Variants in SNX2 observed in about 807,000 individuals in gnomAD.
SNX2 encodes the protein sorting nexin 2, also known as sorting nexin-2.
Under a neutral mutation model 69.9 loss-of-function variants are expected in SNX2, and 25 were observed. That is an observed-to-expected ratio of 0.36 (90% confidence interval 0.26 to 0.50). The LOEUF (loss-of-function observed/expected upper bound fraction) is 0.50, where lower values mean the gene tolerates loss of function less well. Ranked by LOEUF, SNX2 falls within the 20% of genes least tolerant of loss-of-function variation. The pLI, the probability that SNX2 is intolerant of heterozygous loss-of-function variation, is 0.97. For missense variants in SNX2, 551 were observed against 613.3 expected (o/e 0.90, Z 1.07); for synonymous variants, 229 against 200.4 (o/e 1.14, Z -1.20).
chr5:122,829,635 A>G lies in SNX2; in HGVS notation c.1547A>G (p.Lys516Arg), dbSNP rs1252492130. 5.6e-6 allele frequency: 9 copies of G among 1,613,388 alleles called. No individual in the cohort carries two copies. Among genetic ancestry groups the G allele is most frequent in the Non-Finnish European group, 7.6e-6 (9 of 1,179,438 alleles). The stretch of plus-strand genomic sequence containing the variant: ...TGGGAAGCATTCCTACCTGAAGCCA[A>G]AGCCATTGCCTAGCAATAAGATTGT... Reference protein sequence around the residue: ...KYWEAFLPEAKAIA With the variant: ...KYWEAFLPEARAIA The change falls in exon 15 of 15, where the codon AAA becomes AGA. Residue 516 changes from lysine to arginine, a missense_variant. This residue lies in a region of SNX2 where 360 missense variants were observed against 450.4 expected (regional missense o/e 0.80). Coordinates refer to ENST00000379516, the MANE Select transcript of SNX2 (RefSeq NM_003100.4).
chr5:122,829,095 C>T (rs1475628599), intron 14 of SNX2, among the ~76,000 whole-genome samples: 1 of 152,030 alleles, frequency 6.6e-6, no homozygotes, highest in East Asian at 1.9e-4. Context: ...CCGGTCTGGG[C>T]AATAAGAGTG....
chr5:122,817,475 G>A (rs1359608944), intron 10 of SNX2, 102 bp downstream of exon 10: 1 of 741,704 alleles, frequency 1.3e-6, no homozygotes. Flanking sequence ...TTGCAGAAGA[G>A]AGAAAACAAT....
At chr5:122,780,559 T>TTCTTC (rs1156483222) in intron 1 of SNX2, among the ~76,000 whole-genome samples, 3 of 144,158 alleles carry the variant, frequency 2.1e-5, no homozygotes, top group African/African-American at 7.7e-5. Flanking sequence ...ATAACTTGTT[T>TTCTTC]TCTTTTCTTT....
intron 11 of SNX2, among the ~76,000 whole-genome samples, chr5:122,824,089 C>G (rs1039062530): frequency 2.0e-5 from 3 of 151,704 alleles, no homozygotes; most frequent in Non-Finnish European, 4.4e-5. Context: ...GTAGTCCCAG[C>G]TACTCAGGAG....
chr5:122,795,436 A>G (rs566042990), intron 2 of SNX2, 53 bp downstream of exon 2: 12 of 1,208,174 alleles, frequency 9.9e-6, no homozygotes, highest in East Asian at 2.3e-5. Flanking sequence ...TATATTTTCT[A>G]TTAGATAGAA....
Position 122,789,626 on chromosome 5 carries a change from G to GA in SNX2, c.109-5633dup, listed in dbSNP as rs200496852. Reference sequence around the variant, plus strand: ...GCAAATCTGCAAGAGAAAAGAGGGGGAAAAAAACAGGGATTTATTCATATA... The same window carrying GA: ...GCAAATCTGCAAGAGAAAAGAGGGGGAAAAAAAACAGGGATTTATTCATATA... On this transcript the variant is annotated intron_variant, in intron 1 of 14. Transcript: ENST00000379516. Among the ~76,000 whole-genome samples the GA allele has an allele frequency of 5.8e-3, 886 of 152,084 alleles. 12 individuals carry two copies. Among genetic ancestry groups the GA allele is most frequent in the African/African-American group, 0.02 (826 of 41,518 alleles).
chr5:122,810,109 C>T (rs6892257), intron 7 of SNX2, among the ~76,000 whole-genome samples: 29,486 of 149,256 alleles, frequency 0.2, 3,327 homozygotes, highest in East Asian at 0.46. Context: ...TATCCCCAAC[C>T]CTGTGCTCTC....
chr5:122,780,654 C>T (rs1752960895), intron 1 of SNX2, among the ~76,000 whole-genome samples: 1 of 150,674 alleles, frequency 6.6e-6, no homozygotes, highest in Non-Finnish European at 1.5e-5. Context: ...ACTGCAGCCT[C>T]TGCCTCCCAG....
At position 122,829,606 on chromosome 5, in the gene SNX2, A is replaced by G. The variant is rs1581651051; in HGVS notation, c.1518A>G (p.Lys506=). 1 of 1,612,482 alleles carries G rather than the reference A, an allele frequency of 6.2e-7. No individual in the cohort carries two copies. The highest frequency in any genetic ancestry group is 8.5e-7 in the Non-Finnish European group (1 of 1,178,548). The change falls in exon 15 of 15, where the codon AAA becomes AAG. Residue 506 remains lysine (K), a synonymous_variant. Coordinates refer to ENST00000379516, the MANE Select transcript of SNX2 (RefSeq NM_003100.4). The part of the protein sequence containing the change: ...SLVQTQQQLI[K]YWEAFLPEAK... Reference sequence around the variant, plus strand: ...TTAATTATCATTCACAGCTGATAAAATACTGGGAAGCATTCCTACCTGAAG... The same window carrying G: ...TTAATTATCATTCACAGCTGATAAAGTACTGGGAAGCATTCCTACCTGAAG...
At chr5:122,782,570 C>T (rs1434455219) in intron 1 of SNX2, among the ~76,000 whole-genome samples, 1 of 151,160 alleles carries the variant, frequency 6.6e-6, no homozygotes, top group African/African-American at 2.5e-5. Flanking sequence ...GAGTCTCACT[C>T]TGCTGCCCAG....
At chr5:122,776,379 T>A (rs1420315922) in intron 1 of SNX2, among the ~76,000 whole-genome samples, 1 of 152,100 alleles carries the variant, frequency 6.6e-6, no homozygotes, top group Non-Finnish European at 1.5e-5. Context: ...TGCAGCTTAG[T>A]GTTAATTTCC....
chr5:122,800,128 T>C (rs1018686158), intron 3 of SNX2, among the ~76,000 whole-genome samples: 2 of 152,200 alleles, frequency 1.3e-5, no homozygotes, highest in African/African-American at 4.8e-5. Context: ...GGTCAGATGA[T>C]ATATAAAAGT....
intron 1 of SNX2, among the ~76,000 whole-genome samples, chr5:122,792,315 T>TGG (rs1753260097): frequency 1.3e-5 from 2 of 152,192 alleles, no homozygotes; most frequent in Admixed American, 1.3e-4. Flanking sequence ...TAGTAACTGT[T>TGG]GGGCGCAGTG....
rs1361192817 is a variant in SNX2, at chr5:122,833,288, G to C, written c.*3640G>C. The C allele has an allele frequency of 6.6e-6, 1 of 152,118 alleles. No homozygotes were observed. The highest frequency in any genetic ancestry group is 1.5e-5 in the Non-Finnish European group (1 of 68,008). The allele number at this position is 152,118 out of a possible 1,614,324, so 9.4% of individuals were successfully genotyped here. On this transcript the variant is annotated 3_prime_UTR_variant, in exon 15 of 15. Coordinates refer to ENST00000379516, the MANE Select transcript of SNX2 (RefSeq NM_003100.4). The stretch of plus-strand genomic sequence containing the variant: ...AATGTGAGTAATAGTTCATTTTCCT[G>C]CATTTTTGATGAGGGCCATGAAGAT...
chr5:122,824,406 A>T (rs1260872345), intron 11 of SNX2, among the ~76,000 whole-genome samples: 1 of 152,148 alleles, frequency 6.6e-6, no homozygotes, highest in Non-Finnish European at 1.5e-5. Flanking sequence ...TAGATATGTT[A>T]CTTTTGGATT....
chr5:122,778,197 C>A (rs1752896605), intron 1 of SNX2, among the ~76,000 whole-genome samples: 1 of 152,168 alleles, frequency 6.6e-6, no homozygotes, highest in Non-Finnish European at 1.5e-5. Flanking sequence ...TGCATATATA[C>A]CACATGCTCT....
chr5:122,811,111 G>T (rs1354793275), intron 7 of SNX2, among the ~76,000 whole-genome samples: 1 of 152,180 alleles, frequency 6.6e-6, no homozygotes, highest in East Asian at 1.9e-4. Flanking sequence ...GGTTAGGGAA[G>T]CATTTTTCTT....
intron 1 of SNX2, among the ~76,000 whole-genome samples, chr5:122,777,596 T>G (rs1435253424): frequency 6.6e-6 from 1 of 152,210 alleles, no homozygotes; most frequent in African/African-American, 2.4e-5. Flanking sequence ...CAATTGAAAT[T>G]TAAGTGAAAA....
At position 122,829,639 on chromosome 5, in the gene SNX2, C is replaced by T; in HGVS notation, c.1551C>T (p.Ala517=). The part of the protein sequence containing the change: ...YWEAFLPEAK[A]IA ...AAGCATTCCTACCTGAAGCCAAAGC[C>T]ATTGCCTAGCAATAAGATTGTTGCC... is the stretch of plus-strand genomic sequence containing the variant. Residue 517 remains alanine, a synonymous_variant, in exon 15 of 15, where the codon GCC becomes GCT. Coordinates refer to ENST00000379516, the MANE Select transcript of SNX2 (RefSeq NM_003100.4). 6.2e-7 allele frequency: 1 copy of T among 1,613,158 alleles called. No individual in the cohort carries two copies. The highest frequency in any genetic ancestry group is 1.7e-5 in the Admixed American group (1 of 59,998).
Sources: gnomAD v4.1 joint callset for allele counts (sites outside exome capture counted in the v4.1 genomes callset) on GRCh38, gnomAD v4.1.1 for gene constraint, gnomAD v4.1.1 regional missense constraint, MANE v1.5 for transcripts, NCBI Gene and HGNC (gene_info 2026-07-23, HGNC 2026-07-21) for gene names.